DOCK1: variants seen among roughly 807,000 people sequenced by gnomAD.
DOCK1 encodes dedicator of cytokinesis protein 1.
In DOCK1, 138 loss-of-function variants were observed where a neutral mutation model predicts 262.7. The observed-to-expected ratio is 0.53, with a 90% confidence interval of 0.46 to 0.61. DOCK1 has a LOEUF of 0.61. Among genes scored for constraint, DOCK1 ranks in the 20% least tolerant of loss-of-function variants. DOCK1 has a pLI of 0.00. For missense variants in DOCK1, 1,908 were observed against 2,370.7 expected, an observed-to-expected ratio of 0.80 and a Z score of 4.05; for synonymous variants, 866 against 867.4, an observed-to-expected ratio of 1.00 and a Z score of 0.03.
At position 127,012,326 on chromosome 10, in the gene DOCK1, G is replaced by A; in HGVS notation, c.1153G>A (p.Val385Ile). ...VAGENDFLQT[V>I]INKVIAAKEV... ...AGGGGAGAATGACTTCCTTCAGACT[G>A]TTATAAACAAAGTCATCGCTGCCAA... Residue 385 changes from valine to isoleucine, a missense_variant, in exon 12 of 52, where the codon GTT becomes ATT. Physicochemically the swap from Val to Ile is conservative, Grantham distance 29. Around this residue, in one of 9 missense-constraint regions of DOCK1, gnomAD observed 57 missense variants for 39.7 expected, o/e 1.44. Transcript: ENST00000623213. The surrounding 1 kb of genome is among the most constrained non-coding windows in gnomAD (Gnocchi z 4.0). The A allele has an allele frequency of 1.2e-6, 2 of 1,614,028 alleles. No individual in the cohort carries two copies. Among genetic ancestry groups the A allele is most frequent in the Non-Finnish European group, 1.7e-6 (2 of 1,179,894 alleles).
chr10:127,324,560 G>A lies in DOCK1; in HGVS notation c.3045-14446G>A, dbSNP rs150341934. Among the ~76,000 whole-genome samples, 16 of 152,052 alleles carry A rather than the reference G, an allele frequency of 1.1e-4. 2 individuals are homozygous for A. The South Asian group carries it at 2.7e-3, about 26-fold the overall frequency. ...GAGGTCTCATCCAGCACCCAGTCAC[G>A]CCTCTCTTGGGGGAGAGCCCCACCG... is the stretch of plus-strand genomic sequence containing the variant. On this transcript the variant is annotated intron_variant, in intron 29 of 51. Transcript: ENST00000623213.
intron 1 of DOCK1, among the ~76,000 whole-genome samples, chr10:126,961,163 G>A (rs36180103): frequency 0.52 from 79,383 of 151,982 alleles, 21,410 homozygotes; most frequent in East Asian, 0.64. Context: ...CCTTGATTCT[G>A]TTACCCAAAC....
intron 1 of DOCK1, among the ~76,000 whole-genome samples, chr10:126,967,606 C>T (rs894333413): frequency 1.0e-3 from 153 of 152,166 alleles, no homozygotes; most frequent in South Asian, 6.0e-3. Flanking sequence ...CATGCTCCCA[C>T]GGGGCTGTGG....
chr10:127,141,460 T>C (rs901792690), intron 27 of DOCK1, among the ~76,000 whole-genome samples: 7 of 152,116 alleles, frequency 4.6e-5, no homozygotes, highest in African/African-American at 1.7e-4. Context: ...CCTAGCACTT[T>C]GGGAGGCCGA....
rs192940314 is a variant in DOCK1, at chr10:127,123,622, G to C, written c.2624-1852G>C. 8.3e-4 allele frequency among the ~76,000 whole-genome samples: 127 copies of C among 152,322 alleles called. 1 individual carries two copies. The highest frequency in any genetic ancestry group is 2.9e-3 in the African/African-American group (119 of 41,574). On this transcript the variant is annotated intron_variant, in intron 25 of 51. Coordinates refer to ENST00000623213, the MANE Select transcript of DOCK1 (RefSeq NM_001290223.2). ...TTCTATAGGAAAGGCATTGAGATTT[G>C]GGGGTATTTGTGGAAATAGTGTGTC...
intron 40 of DOCK1, 45 bp downstream of exon 40, chr10:127,404,474 G>A (rs769313192): frequency 2.5e-5 from 40 of 1,569,982 alleles, no homozygotes; most frequent in Non-Finnish European, 3.4e-5. Context: ...TGTTCCCCCA[G>A]CAGAAAATCC....
intron 40 of DOCK1, among the ~76,000 whole-genome samples, chr10:127,406,303 G>A (rs1024688855): frequency 3.3e-5 from 5 of 152,174 alleles, no homozygotes; most frequent in South Asian, 2.1e-4. Context: ...TGCAGCTCCC[G>A]AGCCAATAGA....
chr10:127,135,571 T>C (rs569673646), intron 27 of DOCK1: 1 of 152,796 alleles, frequency 6.5e-6, no homozygotes, highest in Admixed American at 6.5e-5. Context: ...GCGTTTTTAC[T>C]TGAATCTTTC....
chr10:127,314,794 G>A (rs567736236), intron 29 of DOCK1, among the ~76,000 whole-genome samples: 3 of 152,310 alleles, frequency 2.0e-5, no homozygotes, highest in East Asian at 1.9e-4. Context: ...ATTGCCATGT[G>A]TGTGCTGACC....
chr10:127,008,832 G>C (rs9418679), intron 11 of DOCK1, 28 bp downstream of exon 11: 184,732 of 1,551,916 alleles, frequency 0.12, 11,768 homozygotes, highest in Non-Finnish European at 0.13. Flanking sequence ...CAAGTACTTA[G>C]CCAGATATAA....
At chr10:127,011,586 A>G (rs2041449050) in intron 11 of DOCK1, among the ~76,000 whole-genome samples, 1 of 152,204 alleles carries the variant, frequency 6.6e-6, no homozygotes, top group African/African-American at 2.4e-5. Context: ...ACAGCGCAGC[A>G]TCTGTCACAG....
intron 24 of DOCK1, among the ~76,000 whole-genome samples, chr10:127,108,699 A>G (rs2048689275): frequency 6.6e-6 from 1 of 152,232 alleles, no homozygotes; most frequent in Non-Finnish European, 1.5e-5. Context: ...AGTAACTTTC[A>G]TGCCGATCCA....
At chr10:127,051,643 C>T (rs936692399) in intron 21 of DOCK1, among the ~76,000 whole-genome samples, 2 of 152,102 alleles carry the variant, frequency 1.3e-5, no homozygotes, top group African/African-American at 4.8e-5. Context: ...AGTGCAGTAG[C>T]GCGATCTTGG....
At chr10:127,204,722 G>A (rs184998977) in intron 27 of DOCK1, among the ~76,000 whole-genome samples, 3 of 152,326 alleles carry the variant, frequency 2.0e-5, no homozygotes, top group East Asian at 3.9e-4. Context: ...TGTTTCCAGT[G>A]TGCATCCCAG....
chr10:127,216,964 C>T (rs942987404), intron 27 of DOCK1, among the ~76,000 whole-genome samples: 1 of 152,174 alleles, frequency 6.6e-6, no homozygotes, highest in Non-Finnish European at 1.5e-5. Context: ...GAAATCCGAG[C>T]CTCTGCATCC....
At chr10:126,949,744 G>T (rs989862400) in intron 1 of DOCK1, among the ~76,000 whole-genome samples, 1 of 152,146 alleles carries the variant, frequency 6.6e-6, no homozygotes, top group African/African-American at 2.4e-5. Flanking sequence ...TTGTGACAAG[G>T]TTTGCTTGTG....
chr10:127,375,336 G>A (rs946369261), intron 35 of DOCK1, among the ~76,000 whole-genome samples: 9 of 152,204 alleles, frequency 5.9e-5, no homozygotes, highest in African/African-American at 2.2e-4. Context: ...TTCCTTGCCT[G>A]TCCCATGGCA....
chr10:127,056,200 C>G (rs976945834), intron 22 of DOCK1, among the ~76,000 whole-genome samples: 4 of 151,798 alleles, frequency 2.6e-5, no homozygotes, highest in African/African-American at 9.7e-5. Context: ...TGCTCCTGAT[C>G]ATGATGATGA....
intron 29 of DOCK1, among the ~76,000 whole-genome samples, chr10:127,324,530 C>T (rs974592424): frequency 2.0e-5 from 3 of 152,190 alleles, no homozygotes; most frequent in South Asian, 2.1e-4. Context: ...GCAGATGTGG[C>T]GGCTGAGGTC....
Sources: allele counts gnomAD v4.1 joint callset (sites outside exome capture counted in the v4.1 genomes callset), GRCh38; gene constraint gnomAD v4.1.1; regional missense constraint gnomAD v4.1.1; non-coding constraint Gnocchi (gnomAD v3.1); transcripts MANE v1.5; gene names NCBI Gene and HGNC (gene_info 2026-07-23, HGNC 2026-07-21).